Variants in NME7 observed in about 807,000 individuals in gnomAD.
NME7 encodes the protein nucleoside diphosphate kinase 7.
NME7 carries 41 observed loss-of-function variants against 49.1 expected under a neutral mutation model. That is an observed-to-expected ratio of 0.83 (90% CI 0.65 to 1.08). NME7 has a LOEUF of 1.08. NME7 is among the 50% of genes least tolerant of loss of function. NME7 has a pLI of 0.00. For synonymous variants in NME7, 139 were observed against 150.6 expected (o/e 0.92, Z 0.56); for missense variants, 423 against 463.4 (o/e 0.91, Z 0.80).
At position 169,288,299 on chromosome 1, in the gene NME7, T is replaced by C. The variant is rs1263242362; in HGVS notation, c.649-891A>G. Among the ~76,000 whole-genome samples the C allele has an allele frequency of 1.3e-5, 2 of 152,154 alleles. 1 individual carries two copies. The highest frequency in any genetic ancestry group is 3.9e-4 in the East Asian group (2 of 5,192). On this transcript the variant is annotated intron_variant, in intron 6 of 11. Coordinates refer to ENST00000367811, the MANE Select transcript of NME7 (RefSeq NM_013330.5). ...GACCCCTAGCACCTAAAACAATGTCTGGCTCAATGCAAATAGCCCTTGGTA... is the reference window on the plus strand; with the variant it reads ...GACCCCTAGCACCTAAAACAATGTCCGGCTCAATGCAAATAGCCCTTGGTA...
At chr1:169,160,392 A>AAT (rs1477140219) in intron 11 of NME7, among the ~76,000 whole-genome samples, 1 of 152,112 alleles carries the variant, frequency 6.6e-6, no homozygotes, top group African/African-American at 2.4e-5. Context: ...ACAACCCATA[A>AAT]ATATATATTC....
chr1:169,281,915 T>C (rs977064933), intron 7 of NME7, among the ~76,000 whole-genome samples: 2 of 152,174 alleles, frequency 1.3e-5, no homozygotes, highest in East Asian at 3.8e-4. Context: ...TTTTCTTTTT[T>C]TGTTGTGTCT....
At chr1:169,180,062 CAT>C (rs1475524416) in intron 10 of NME7, among the ~76,000 whole-genome samples, 1 of 151,058 alleles carries the variant, frequency 6.6e-6, no homozygotes, top group Non-Finnish European at 1.5e-5. Flanking sequence ...TATAAAATAA[CAT>C]AGAGATTTTA....
At chr1:169,142,188 G>A (rs1230197152) in intron 11 of NME7, among the ~76,000 whole-genome samples, 1 of 152,168 alleles carries the variant, frequency 6.6e-6, no homozygotes. Flanking sequence ...TAAGATTCAA[G>A]TTCAACTTTA....
At chr1:169,334,164 C>G (rs1385307303) in intron 1 of NME7, among the ~76,000 whole-genome samples, 2 of 151,222 alleles carry the variant, frequency 1.3e-5, no homozygotes, top group Non-Finnish European at 3.0e-5. Flanking sequence ...ACTAGTCAAT[C>G]TATTTCAAGC....
chr1:169,340,478 G>T (rs1315210534), intron 1 of NME7, among the ~76,000 whole-genome samples: 1 of 152,202 alleles, frequency 6.6e-6, no homozygotes, highest in Non-Finnish European at 1.5e-5. Flanking sequence ...CTAATTCAGA[G>T]AATTGGTACC....
At chr1:169,255,964 T>A (rs1648912103) in intron 7 of NME7, among the ~76,000 whole-genome samples, 1 of 133,140 alleles carries the variant, frequency 7.5e-6, no homozygotes, top group South Asian at 2.3e-4. Context: ...CCTTTGAGGG[T>A]AACCCGACCT....
At chr1:169,252,887 T>C (rs1305850461) in intron 7 of NME7, among the ~76,000 whole-genome samples, 2 of 149,766 alleles carry the variant, frequency 1.3e-5, no homozygotes, top group Admixed American at 1.3e-4. Context: ...TGCGGTGTTA[T>C]TTCTGAGGGC....
chr1:169,194,847 C>T (rs189040504), intron 10 of NME7, among the ~76,000 whole-genome samples: 5 of 152,240 alleles, frequency 3.3e-5, no homozygotes, highest in Admixed American at 1.3e-4. Flanking sequence ...CAAATATCCT[C>T]AAAGAGTTAA....
intron 10 of NME7, among the ~76,000 whole-genome samples, chr1:169,171,306 G>A (rs12065884): frequency 0.37 from 56,359 of 151,828 alleles, 11,031 homozygotes; most frequent in East Asian, 0.73. Context: ...GGTCGAGGCT[G>A]CAGTGAGCCA....
At chr1:169,186,601 A>T (rs1260435174) in intron 10 of NME7, among the ~76,000 whole-genome samples, 2 of 152,028 alleles carry the variant, frequency 1.3e-5, no homozygotes, top group African/African-American at 4.8e-5. Flanking sequence ...CTGTGGGATT[A>T]GTAGGTGATA....
Position 169,139,573 on chromosome 1 carries a change from A to G in NME7, c.1099-6756T>C, listed in dbSNP as rs1183025779. ...TATAATGTAACAATACCTACTATGT[A>G]GGTTTGTTGTGAAGTTTAAATGAGG... On this transcript the variant is annotated intron_variant, in intron 11 of 11. Coordinates refer to ENST00000367811, the MANE Select transcript of NME7 (RefSeq NM_013330.5). 2.6e-5 allele frequency among the ~76,000 whole-genome samples: 4 copies of G among 152,328 alleles called. No individual in the cohort carries two copies. The East Asian group carries it at 7.7e-4, about 29-fold the overall frequency.
chr1:169,240,218 T>C (rs1648022790), intron 7 of NME7, among the ~76,000 whole-genome samples: 2 of 151,942 alleles, frequency 1.3e-5, no homozygotes, highest in South Asian at 4.1e-4. Context: ...AAATAACATT[T>C]TGTGAGGAAA....
At chr1:169,238,361 T>C (rs796785665) in intron 7 of NME7, among the ~76,000 whole-genome samples, 2 of 152,128 alleles carry the variant, frequency 1.3e-5, no homozygotes, top group African/African-American at 4.8e-5. Context: ...TATTGGAGTC[T>C]ATAGTCTCTG....
At chr1:169,304,403 T>C (rs1431655229) in intron 4 of NME7, among the ~76,000 whole-genome samples, 2 of 152,208 alleles carry the variant, frequency 1.3e-5, no homozygotes, top group Non-Finnish European at 2.9e-5. Context: ...TGATATGCAA[T>C]GCTTTTAAGA....
intron 5 of NME7, among the ~76,000 whole-genome samples, chr1:169,302,775 A>T (rs868612965): frequency 1.3e-5 from 2 of 152,168 alleles, no homozygotes; most frequent in Non-Finnish European, 2.9e-5. Context: ...AAAAGTTGAC[A>T]TAAAAAATAA....
chr1:169,153,386 C>G (rs1658964354), intron 11 of NME7, among the ~76,000 whole-genome samples: 1 of 152,188 alleles, frequency 6.6e-6, no homozygotes, highest in Non-Finnish European at 1.5e-5. Flanking sequence ...CTCCCATACT[C>G]TACCAAAGGA....
chr1:169,157,774 A>G (rs1659121939), intron 11 of NME7, among the ~76,000 whole-genome samples: 1 of 152,196 alleles, frequency 6.6e-6, no homozygotes, highest in East Asian at 1.9e-4. Context: ...AAAGCAAAAC[A>G]ATCCCTTTGC....
intron 1 of NME7, among the ~76,000 whole-genome samples, chr1:169,359,197 A>C (rs909092836): frequency 6.6e-6 from 1 of 152,156 alleles, no homozygotes; most frequent in South Asian, 2.1e-4. Flanking sequence ...TAAATTACTT[A>C]CAACACGTAA....
Sources: gnomAD v4.1 joint callset for allele counts (sites outside exome capture counted in the v4.1 genomes callset) on GRCh38, gnomAD v4.1.1 for gene constraint, MANE v1.5 for transcripts, NCBI Gene and HGNC (gene_info 2026-07-23, HGNC 2026-07-21) for gene names.